The following ROR1 variants were observed in gnomAD, a reference collection of about 807,000 sequenced individuals.
The protein encoded by ROR1 is inactive tyrosine-protein kinase transmembrane receptor ROR1.
Under a neutral mutation model 78.8 loss-of-function variants are expected in ROR1, and 19 were observed. The ratio of observed to expected loss-of-function variants is 0.24; its 90% CI spans 0.17 to 0.35. The LOEUF is 0.35. Ranked by LOEUF, ROR1 falls within the 10% of genes least tolerant of loss-of-function variation. The pLI is 1.00. For synonymous variants in ROR1, 386 were observed against 433.6 expected (o/e 0.89, Z 1.36); for missense variants, 917 against 1,177.8 (o/e 0.78, Z 3.24).
intron 1 of ROR1, among the ~76,000 whole-genome samples, chr1:63,937,958 C>T (rs1645806438): frequency 6.6e-6 from 1 of 152,144 alleles, no homozygotes; most frequent in African/African-American, 2.4e-5. Flanking sequence ...GCTCTTCTGC[C>T]TAAACACCAC....
At chr1:63,870,889 T>G (rs1287505769) in intron 1 of ROR1, among the ~76,000 whole-genome samples, 1 of 152,198 alleles carries the variant, frequency 6.6e-6, no homozygotes, top group Non-Finnish European at 1.5e-5. Flanking sequence ...GAGTAGAGGA[T>G]AGTAGTGGCT....
intron 1 of ROR1, among the ~76,000 whole-genome samples, chr1:63,798,081 C>T (rs1394391603): frequency 6.6e-6 from 1 of 152,060 alleles, no homozygotes; most frequent in Non-Finnish European, 1.5e-5. Context: ...CAGTAGGTCT[C>T]CTGATCATGA....
chr1:63,805,661 GA>G (rs1344138319), intron 1 of ROR1, among the ~76,000 whole-genome samples: 4 of 152,166 alleles, frequency 2.6e-5, no homozygotes. Context: ...GATAAGAATA[GA>G]ATTACTGTGG....
chr1:64,165,441 T>G (rs746105856), intron 8 of ROR1, among the ~76,000 whole-genome samples: 2 of 152,292 alleles, frequency 1.3e-5, no homozygotes, highest in East Asian at 3.9e-4. Context: ...TTTCTTTAAA[T>G]TCCTTAGAAA....
intron 1 of ROR1, among the ~76,000 whole-genome samples, chr1:63,854,141 T>C (rs910752104): frequency 3.3e-5 from 5 of 152,246 alleles, no homozygotes; most frequent in African/African-American, 1.2e-4. Context: ...TCAATGGAAA[T>C]ATCAGATCAC....
intron 4 of ROR1, among the ~76,000 whole-genome samples, chr1:64,092,965 T>C (rs1026135667): frequency 6.6e-6 from 1 of 152,196 alleles, no homozygotes. Context: ...CAGACATAGA[T>C]GTTTTCACAG....
intron 1 of ROR1, among the ~76,000 whole-genome samples, chr1:63,830,547 C>T (rs1233861872): frequency 2.0e-5 from 3 of 152,098 alleles, no homozygotes; most frequent in Non-Finnish European, 4.4e-5. Context: ...CAACCACTAT[C>T]GTGAGAACAG....
At chr1:64,105,417 C>G (rs1647757877) in intron 4 of ROR1, 1 of 152,200 alleles carries the variant, frequency 6.6e-6, no homozygotes, top group African/African-American at 2.4e-5. Flanking sequence ...CCTGTTCACT[C>G]TGATGATAGC....
At chr1:63,968,547 C>A (rs1395837178) in intron 1 of ROR1, among the ~76,000 whole-genome samples, 1 of 151,998 alleles carries the variant, frequency 6.6e-6, no homozygotes, top group Non-Finnish European at 1.5e-5. Flanking sequence ...GAAATATAGA[C>A]AATCCTGGTA....
intron 1 of ROR1, among the ~76,000 whole-genome samples, chr1:63,940,413 A>C (rs1246190833): frequency 6.6e-6 from 1 of 152,166 alleles, no homozygotes; most frequent in Admixed American, 6.6e-5. Context: ...ATTATAAGGC[A>C]TTGAATAAAA....
chr1:64,064,103 T>G (rs1646938265), intron 4 of ROR1, among the ~76,000 whole-genome samples: 1 of 152,144 alleles, frequency 6.6e-6, no homozygotes, highest in South Asian at 2.1e-4. Flanking sequence ...CACAGAGAAT[T>G]TAACATAGGG....
chr1:64,059,934 C>A (rs1393495756), intron 4 of ROR1, among the ~76,000 whole-genome samples: 1 of 152,076 alleles, frequency 6.6e-6, no homozygotes, highest in African/African-American at 2.4e-5. Context: ...TACCACAGAA[C>A]TTGAGAGAGG....
At chr1:63,925,416 T>C (rs1569920787) in intron 1 of ROR1, among the ~76,000 whole-genome samples, 1 of 151,942 alleles carries the variant, frequency 6.6e-6, no homozygotes, top group East Asian at 1.9e-4. Flanking sequence ...TCTATCATTG[T>C]TGGACATTTG....
chr1:64,052,314 C>T (rs1429532396), intron 4 of ROR1, among the ~76,000 whole-genome samples: 2 of 151,036 alleles, frequency 1.3e-5, no homozygotes, highest in East Asian at 3.9e-4. Flanking sequence ...CTTATTTGTT[C>T]CTGTTAATCT....
intron 4 of ROR1, among the ~76,000 whole-genome samples, chr1:64,127,050 T>C (rs1648735409): frequency 6.6e-6 from 1 of 152,208 alleles, no homozygotes; most frequent in Non-Finnish European, 1.5e-5. Context: ...CTCAATATTT[T>C]AACCTAACTA....
intron 4 of ROR1, among the ~76,000 whole-genome samples, chr1:64,098,371 G>A (rs995976393): frequency 6.6e-6 from 1 of 152,148 alleles, no homozygotes; most frequent in African/African-American, 2.4e-5. Flanking sequence ...ATTTGTGCTT[G>A]CAGCAAATAG....
At chr1:63,817,849 C>T (rs976165175) in intron 1 of ROR1, among the ~76,000 whole-genome samples, 3 of 150,802 alleles carry the variant, frequency 2.0e-5, no homozygotes, top group Non-Finnish European at 4.4e-5. Flanking sequence ...GTTTAAGCCT[C>T]GTGCTTCTTC....
intron 1 of ROR1, among the ~76,000 whole-genome samples, chr1:64,001,062 T>C (rs1225480919): frequency 6.6e-6 from 1 of 152,246 alleles, no homozygotes; most frequent in African/African-American, 2.4e-5. Context: ...ACAGCTTTAT[T>C]TGTAACAGCC....
At chr1:63,919,027 T>C (rs1365281668) in intron 1 of ROR1, among the ~76,000 whole-genome samples, 1 of 152,150 alleles carries the variant, frequency 6.6e-6, no homozygotes, top group Non-Finnish European at 1.5e-5. Flanking sequence ...TCTAAAAAAC[T>C]GACAAATCTT....
Sources: allele counts gnomAD v4.1 joint callset (sites outside exome capture counted in the v4.1 genomes callset), GRCh38; gene constraint gnomAD v4.1.1; transcripts MANE v1.5; gene names NCBI Gene and HGNC (gene_info 2026-07-23, HGNC 2026-07-21).